The following FBXL4 variants were observed in gnomAD, a reference collection of about 807,000 sequenced individuals.
FBXL4 encodes F-box/LRR-repeat protein 4.
In FBXL4, 40 loss-of-function variants were observed where a neutral mutation model predicts 58.9. The ratio of observed to expected loss-of-function variants is 0.68; its 90% CI spans 0.53 to 0.88. The LOEUF (loss-of-function observed/expected upper bound fraction) is 0.88. Ranked by LOEUF, FBXL4 falls within the 40% of genes least tolerant of loss-of-function variation. The pLI is 0.00. For missense variants in FBXL4, 676 were observed against 734.4 expected (o/e 0.92, Z 0.92); for synonymous variants, 263 against 265.5 (o/e 0.99, Z 0.09).
intron 6 of FBXL4, among the ~76,000 whole-genome samples, chr6:98,903,729 C>T (rs1012779995): frequency 6.6e-6 from 1 of 152,080 alleles, no homozygotes; most frequent in Non-Finnish European, 1.5e-5. Context: ...TTATATTTTA[C>T]TCGTTATTAT....
At position 98,905,685 on chromosome 6, in the gene FBXL4, G is replaced by A; in HGVS notation, c.859-15C>T. ...AGCTGAATAAGCTAAATAAGACAGA[G>A]AAACCAAGATCATCAAGAGTGAAAA... On this transcript the variant is annotated splice_polypyrimidine_tract_variant and intron_variant, in intron 5 of 9. Transcript: ENST00000369244. 1 of 1,608,860 alleles carries A rather than the reference G, an allele frequency of 6.2e-7. No individual in the cohort carries two copies.
At chr6:98,887,003 C>T (rs1037836971) in intron 7 of FBXL4, among the ~76,000 whole-genome samples, 2 of 152,144 alleles carry the variant, frequency 1.3e-5, no homozygotes, top group Non-Finnish European at 2.9e-5. Flanking sequence ...AATTCTAACA[C>T]TCTGGGAGGC....
intron 1 of FBXL4, among the ~76,000 whole-genome samples, chr6:98,946,198 A>C (rs1773613639): frequency 1.3e-5 from 2 of 152,238 alleles, no homozygotes; most frequent in Non-Finnish European, 2.9e-5. Context: ...TAGACCGTTC[A>C]GAAAGTCCCA....
chr6:98,906,749 T>G (rs1052745080), intron 5 of FBXL4, among the ~76,000 whole-genome samples: 16 of 152,228 alleles, frequency 1.1e-4, no homozygotes, highest in African/African-American at 3.6e-4. Context: ...ATCACCACAC[T>G]GTCTTCCACA....
chr6:98,923,244 C>T (rs766675891), intron 4 of FBXL4, among the ~76,000 whole-genome samples: 4 of 152,098 alleles, frequency 2.6e-5, no homozygotes, highest in African/African-American at 9.7e-5. Flanking sequence ...ATCATGCTTT[C>T]CCTACTCCTT....
chr6:98,874,771 T>C (rs894022273), intron 9 of FBXL4, among the ~76,000 whole-genome samples: 2 of 152,194 alleles, frequency 1.3e-5, no homozygotes, highest in African/African-American at 4.8e-5. Context: ...GTTTTCACCA[T>C]GCATTTGATG....
At position 98,943,344 on chromosome 6, in the gene FBXL4, G is replaced by A. The variant is rs531437233; in HGVS notation, c.-309+4462C>T. 1.3e-4 allele frequency among the ~76,000 whole-genome samples: 20 copies of A among 151,864 alleles called. No individual in the cohort carries two copies. The East Asian group carries it at 2.1e-3, about 16-fold the overall frequency. The stretch of plus-strand genomic sequence containing the variant: ...CCCCAGCACGTTGGGAGGCCAAGGC[G>A]GGTGGATCACTTGAGCCCAGGAGTT... On this transcript the variant is annotated intron_variant, in intron 1 of 9. Transcript: ENST00000369244.
chr6:98,939,425 T>C (rs894629858), intron 1 of FBXL4, among the ~76,000 whole-genome samples: 4 of 152,218 alleles, frequency 2.6e-5, no homozygotes, highest in Non-Finnish European at 2.9e-5. Context: ...TCTCAAATCA[T>C]ATTAGAGTCT....
intron 7 of FBXL4, among the ~76,000 whole-genome samples, chr6:98,894,057 G>A (rs1296072816): frequency 6.6e-6 from 1 of 152,022 alleles, no homozygotes; most frequent in Non-Finnish European, 1.5e-5. Context: ...TGTAGAGATG[G>A]GGTCTTGCTA....
intron 1 of FBXL4, among the ~76,000 whole-genome samples, chr6:98,947,446 T>G (rs1291421493): frequency 6.6e-6 from 1 of 152,216 alleles, no homozygotes; most frequent in Non-Finnish European, 1.5e-5. Flanking sequence ...GGCCGACGCG[T>G]GGCTGCCGGC....
At chr6:98,920,026 T>C (rs1772519726) in intron 4 of FBXL4, among the ~76,000 whole-genome samples, 1 of 151,998 alleles carries the variant, frequency 6.6e-6, no homozygotes, top group Admixed American at 6.6e-5. Context: ...AGAAGAACAC[T>C]GAAAATATAA....
intron 7 of FBXL4, among the ~76,000 whole-genome samples, chr6:98,890,683 C>T (rs1290014387): frequency 1.3e-5 from 2 of 152,126 alleles, no homozygotes; most frequent in African/African-American, 4.8e-5. Context: ...CTTTGGGAGG[C>T]TGAGGCCGGC....
chr6:98,927,136 G>A (rs1772822024), intron 3 of FBXL4, 76 bp from the exon 4 acceptor site: 4 of 658,196 alleles, frequency 6.1e-6, no homozygotes, highest in African/African-American at 1.8e-5. Context: ...TAATGAACAG[G>A]CTCTACCCTC....
chr6:98,905,511 G>A lies in FBXL4; in HGVS notation c.1018C>T (p.Leu340=). 6.2e-7 allele frequency: 1 copy of A among 1,614,038 alleles called. No individual in the cohort carries two copies. The highest frequency in any genetic ancestry group is 8.5e-7 in the Non-Finnish European group (1 of 1,179,960). The change falls in exon 6 of 10, where the codon CTA becomes TTA. Residue 340 remains leucine (L), a synonymous_variant. Transcript: ENST00000369244. ...AKLDDTSLEF[L]QSRCTLVQWL... ...TGGACAAGAGTGCAGCGAGACTGTA[G>A]AAATTCCAGAGAAGTGTCATCTAGT...
chr6:98,943,615 A>G (rs1391100424), intron 1 of FBXL4, among the ~76,000 whole-genome samples: 1 of 150,526 alleles, frequency 6.6e-6, no homozygotes. Context: ...ACAAACTTCC[A>G]AATTGGCAAG....
chr6:98,899,401 A>G lies in FBXL4; in HGVS notation c.1184T>C (p.Val395Ala), dbSNP rs1410403809. The G allele has an allele frequency of 6.2e-7, 1 of 1,613,902 alleles. No individual in the cohort carries two copies. Among genetic ancestry groups the G allele is most frequent in the Non-Finnish European group, 8.5e-7 (1 of 1,179,976 alleles). ...TAGATTTGGACACATCTCAGAAATA[A>G]CTTCTAAGCAAGTTTCATTAAGAAA... ...SHFLNETCLEVISEMCPNLQA... is the reference protein window; with the variant it reads ...SHFLNETCLEAISEMCPNLQA... Residue 395 changes from valine to alanine, a missense_variant, in exon 7 of 10, where the codon GTT (valine) becomes GCT (alanine). By Grantham distance (64) the Val-to-Ala change is moderately conservative. Transcript: ENST00000369244.
chr6:98,904,402 C>T (rs1343731921), intron 6 of FBXL4, among the ~76,000 whole-genome samples: 1 of 152,170 alleles, frequency 6.6e-6, no homozygotes, highest in Non-Finnish European at 1.5e-5. Flanking sequence ...GATGCATAAA[C>T]TATCAAGCTC....
intron 8 of FBXL4, among the ~76,000 whole-genome samples, chr6:98,876,342 G>A (rs1770661904): frequency 6.6e-6 from 1 of 151,934 alleles, no homozygotes; most frequent in Non-Finnish European, 1.5e-5. Context: ...TACTAATCAA[G>A]GATTAAACAT....
At position 98,874,221 on chromosome 6, in the gene FBXL4, A is replaced by G; in HGVS notation, c.*57T>C. 1 of 1,389,750 alleles carries G rather than the reference A, an allele frequency of 7.2e-7. No homozygotes were observed. Among genetic ancestry groups the G allele is most frequent in the Non-Finnish European group, 9.5e-7 (1 of 1,047,304 alleles). 86.1% of individuals were successfully genotyped at this position (1,389,750 alleles called of 1,614,324 possible). A position where few individuals can be genotyped will look rare whatever the true frequency, so the allele number is the denominator to read the frequency against. On this transcript the variant is annotated 3_prime_UTR_variant, in exon 10 of 10. Transcript: ENST00000369244. ...CAACTAAAAACAAAACCCAAAACCA[A>G]TCCCAAAATTAAACCCCAACAAAGC...
Sources: allele counts gnomAD v4.1 joint callset (sites outside exome capture counted in the v4.1 genomes callset), GRCh38; gene constraint gnomAD v4.1.1; transcripts MANE v1.5; gene names NCBI Gene and HGNC (gene_info 2026-07-23, HGNC 2026-07-21).